EYA1: variants seen among roughly 807,000 people sequenced by gnomAD.
The protein encoded by EYA1 is EYA transcriptional coactivator and phosphatase 1.
In EYA1, 16 loss-of-function variants were observed where a neutral mutation model predicts 82.0. The observed-to-expected ratio is 0.20, with a 90% CI of 0.13 to 0.30. EYA1 has a LOEUF of 0.30. Among genes scored for constraint, EYA1 ranks in the 10% least tolerant of loss-of-function variants. EYA1 has a pLI of 1.00. For missense variants in EYA1, 633 were observed against 730.7 expected (o/e 0.87, Z 1.54); for synonymous variants, 261 against 264.4 (o/e 0.99, Z 0.12).
intron 17 of EYA1, 98 bp downstream of exon 17, chr8:71,211,058 G>A (rs189688658): frequency 6.4e-5 from 52 of 809,738 alleles, no homozygotes; most frequent in Admixed American, 2.2e-4. Flanking sequence ...TATTCATCAC[G>A]TTTCACATAA....
At chr8:71,395,302 G>T (rs916017462) in intron 2 of EYA1, among the ~76,000 whole-genome samples, 4 of 152,132 alleles carry the variant, frequency 2.6e-5, no homozygotes, top group Non-Finnish European at 4.4e-5. Context: ...TTGCCTGATT[G>T]CCCTGGCCAG....
rs1358835168 is a variant in EYA1, at chr8:71,305,402, G to A, written c.557-5682C>T. On this transcript the variant is annotated intron_variant, in intron 7 of 17. Transcript: ENST00000340726. ...TTCAATAATTCTCAATAGAGTTTGG[G>A]GTGGGAGTGGGGATACCTTCTTACT... 4.9e-5 allele frequency among the ~76,000 whole-genome samples: 7 copies of A among 141,852 alleles called. 2 individuals are homozygous for A. Among genetic ancestry groups the A allele is most frequent in the Non-Finnish European group, 1.1e-4 (7 of 62,594 alleles). 93.1% of individuals were successfully genotyped at this position (141,852 alleles called of 152,430 possible).
chr8:71,344,218 G>T (rs1424885638), intron 3 of EYA1, among the ~76,000 whole-genome samples: 2 of 151,858 alleles, frequency 1.3e-5, no homozygotes, highest in African/African-American at 4.8e-5. Context: ...ATTATATTCA[G>T]AAAACAAAGT....
chr8:71,524,891 C>A (rs1241678616), intron 2 of EYA1, among the ~76,000 whole-genome samples: 1 of 152,126 alleles, frequency 6.6e-6, no homozygotes, highest in Non-Finnish European at 1.5e-5. Flanking sequence ...GAAGGAATAA[C>A]TGTTAAGGAG....
At chr8:71,387,584 T>C (rs985635956) in intron 2 of EYA1, among the ~76,000 whole-genome samples, 6 of 152,142 alleles carry the variant, frequency 3.9e-5, no homozygotes, top group African/African-American at 1.4e-4. Context: ...ATTTATGTTA[T>C]GGTAGAGCTC....
chr8:71,407,982 G>A (rs940948622), intron 2 of EYA1, among the ~76,000 whole-genome samples: 19 of 151,140 alleles, frequency 1.3e-4, no homozygotes, highest in Non-Finnish European at 2.5e-4. Flanking sequence ...GAAAGGTCGG[G>A]TTACCCTCAA....
chr8:71,331,285 C>CACACAT (rs554459560), intron 4 of EYA1, among the ~76,000 whole-genome samples: 2,381 of 127,378 alleles, frequency 0.019, 55 homozygotes, highest in African/African-American at 0.053. Flanking sequence ...CACACACACA[C>CACACAT]ATATATATAC....
Position 71,386,971 on chromosome 8 carries a change from G to A in EYA1, c.34-30460C>T, listed in dbSNP as rs1829000321. Among the ~76,000 whole-genome samples, 3 of 152,248 alleles carry A rather than the reference G, an allele frequency of 2.0e-5. No homozygotes were observed. In the South Asian group the frequency reaches 6.2e-4, roughly 32 times the overall value. ...TAACATGGAATTTATTGAGCAGATG[G>A]GGGATTAGCCATGTCAATAAACATT... On this transcript the variant is annotated intron_variant, in intron 2 of 18. Coordinates refer to the EYA1 transcript ENST00000643681.
At chr8:71,417,190 G>A (rs1830900184) in intron 2 of EYA1, among the ~76,000 whole-genome samples, 1 of 152,164 alleles carries the variant, frequency 6.6e-6, no homozygotes, top group Admixed American at 6.5e-5. Context: ...ACCTCACCTT[G>A]TGATCATGTG....
Position 71,327,448 on chromosome 8 carries a change from G to A in EYA1, c.203-5180C>T, listed in dbSNP as rs144100849. 7.1e-4 allele frequency among the ~76,000 whole-genome samples: 108 copies of A among 152,354 alleles called. No homozygotes were observed. The East Asian group carries it at 0.011, about 15-fold the overall frequency. ...AAATTTAGGCTTTGTAGAAATGGCAGAGGCAGTAAAGATATTAAGAACACT... is the reference window on the plus strand; with the variant it reads ...AAATTTAGGCTTTGTAGAAATGGCAAAGGCAGTAAAGATATTAAGAACACT... On this transcript the variant is annotated intron_variant, in intron 4 of 17. Transcript: ENST00000340726.
At chr8:71,469,120 A>G (rs760165402) in intron 2 of EYA1, among the ~76,000 whole-genome samples, 4 of 152,008 alleles carry the variant, frequency 2.6e-5, no homozygotes, top group Non-Finnish European at 5.9e-5. Flanking sequence ...ATTATAACAT[A>G]TAGTATGTTT....
At chr8:71,338,633 T>C (rs1369083718) in intron 3 of EYA1, among the ~76,000 whole-genome samples, 2 of 152,216 alleles carry the variant, frequency 1.3e-5, no homozygotes, top group Non-Finnish European at 2.9e-5. Context: ...CTGCAGAAGA[T>C]GTCAGACCAT....
At chr8:71,360,679 G>A (rs1245867274) in intron 1 of EYA1, among the ~76,000 whole-genome samples, 1 of 152,148 alleles carries the variant, frequency 6.6e-6, no homozygotes, top group Non-Finnish European at 1.5e-5. Context: ...AGACTGTGGG[G>A]GAAAAGACTC....
intron 11 of EYA1, among the ~76,000 whole-genome samples, chr8:71,258,766 T>C (rs1186924578): frequency 6.6e-6 from 1 of 152,234 alleles, no homozygotes; most frequent in East Asian, 1.9e-4. Context: ...TTGTACATGA[T>C]ATTTGATCTT....
Position 71,216,977 on chromosome 8 carries a change from C to A in EYA1, c.1187G>T (p.Gly396Val). 6.2e-7 allele frequency: 1 copy of A among 1,613,750 alleles called. No homozygotes were observed. Among genetic ancestry groups the A allele is most frequent in the South Asian group, 1.1e-5 (1 of 91,070 alleles). The change falls in exon 13 of 18, where the codon GGA (glycine) becomes GTA (valine). Residue 396 changes from glycine to valine, a missense_variant. Coordinates refer to ENST00000340726, the MANE Select transcript of EYA1 (RefSeq NM_000503.6). ...CAAGGGTGCTCACCTTAGGTCCTGT[C>A]CGTTATCATCTGAAGAAACATCATC... ...HIDDVSSDDN[G>V]QDLSTYNFGT... is the part of the protein sequence containing the mutation.
intron 2 of EYA1, among the ~76,000 whole-genome samples, chr8:71,368,530 A>G (rs1397274536): frequency 6.6e-6 from 1 of 152,220 alleles, no homozygotes; most frequent in Non-Finnish European, 1.5e-5. Flanking sequence ...ATTCAAAACA[A>G]TGATCCAAAA....
At chr8:71,222,271 G>T (rs964192311) in intron 12 of EYA1, among the ~76,000 whole-genome samples, 2 of 152,174 alleles carry the variant, frequency 1.3e-5, no homozygotes, top group Non-Finnish European at 2.9e-5. Flanking sequence ...TGTGACTCAG[G>T]TATTTGCCAC....
intron 6 of EYA1, 70 bp from the exon 7 acceptor site, chr8:71,317,759 C>T: frequency 7.0e-7 from 1 of 1,430,032 alleles, no homozygotes; most frequent in Non-Finnish European, 9.8e-7. Flanking sequence ...AAAACATACA[C>T]TTCCACAACC....
At chr8:71,493,743 G>A (rs1811188131) in intron 2 of EYA1, among the ~76,000 whole-genome samples, 1 of 151,378 alleles carries the variant, frequency 6.6e-6, no homozygotes, top group Non-Finnish European at 1.5e-5. Context: ...AGGCTTTTTG[G>A]CCGGGCGCGG....
Sources: allele counts gnomAD v4.1 joint callset (sites outside exome capture counted in the v4.1 genomes callset), GRCh38; gene constraint gnomAD v4.1.1; transcripts MANE v1.5; gene names NCBI Gene and HGNC (gene_info 2026-07-23, HGNC 2026-07-21).